Variants in SLCO1A2 observed in about 807,000 individuals in gnomAD.
SLCO1A2 encodes OATP-1.
In SLCO1A2, 67 loss-of-function variants were observed where a neutral mutation model predicts 69.0. That is an observed-to-expected ratio of 0.97 (90% CI 0.80 to 1.19). The LOEUF (loss-of-function observed/expected upper bound fraction) is 1.19, where lower values mean the gene tolerates loss of function less well. Ranked by LOEUF, SLCO1A2 falls within the 50% of genes most tolerant of loss-of-function variation. The probability of loss-of-function intolerance (pLI) is 0.00; values close to 1 mark genes in which losing one functional copy is unlikely to be tolerated. For missense variants in SLCO1A2, 787 were observed against 793.7 expected (o/e 0.99, Z 0.10); for synonymous variants, 260 against 265.9 (o/e 0.98, Z 0.22).
chr12:21,344,715 A>G (rs1337654300), intron 2 of SLCO1A2, among the ~76,000 whole-genome samples: 1 of 152,068 alleles, frequency 6.6e-6, no homozygotes, highest in East Asian at 1.9e-4. Flanking sequence ...AAACATATGA[A>G]TTAAAGTCCT....
At chr12:21,388,568 A>G (rs559211694) in intron 1 of SLCO1A2, among the ~76,000 whole-genome samples, 1 of 152,284 alleles carries the variant, frequency 6.6e-6, no homozygotes, top group East Asian at 1.9e-4. Flanking sequence ...GCCATGTGGA[A>G]CTATGAGTCC....
chr12:21,282,783 T>C (rs189571917), intron 12 of SLCO1A2, among the ~76,000 whole-genome samples: 1 of 152,098 alleles, frequency 6.6e-6, no homozygotes, highest in Non-Finnish European at 1.5e-5. Flanking sequence ...GTAGTGTTTG[T>C]ATATGCCAAC....
At chr12:21,370,961 T>C (rs1436552322) in intron 2 of SLCO1A2, among the ~76,000 whole-genome samples, 3 of 152,228 alleles carry the variant, frequency 2.0e-5, no homozygotes, top group African/African-American at 4.8e-5. Flanking sequence ...AACAGCTTTA[T>C]TGAAGAGGCG....
upstream of SLCO1A2, among the ~76,000 whole-genome samples, chr12:21,337,730 A>G (rs891923369): frequency 1.3e-5 from 2 of 151,998 alleles, no homozygotes; most frequent in African/African-American, 4.8e-5. Flanking sequence ...TATTTTGTCT[A>G]CCAAATTATT....
chr12:21,318,928 G>A lies in SLCO1A2; in HGVS notation c.61-5C>T. 2 of 1,569,406 alleles carry A rather than the reference G, an allele frequency of 1.3e-6. No homozygotes were observed. The highest frequency in any genetic ancestry group is 4.2e-5 in the Admixed American group (2 of 47,304). On this transcript the variant is annotated splice_polypyrimidine_tract_variant and splice_region_variant and intron_variant, in intron 2 of 14. Coordinates refer to ENST00000683939, the MANE Select transcript of SLCO1A2 (RefSeq NM_001386879.1). ...TGTTATTGCCAACAGAAACATCTAG[G>A]AAAAAAATATAAGAAAACGTAGAAA...
intron 1 of SLCO1A2, among the ~76,000 whole-genome samples, chr12:21,385,134 T>G (rs1468611472): frequency 2.6e-5 from 4 of 152,162 alleles, no homozygotes; most frequent in Non-Finnish European, 4.4e-5. Context: ...AATATATAAA[T>G]ATGAAACCTC....
At chr12:21,419,051 G>C (rs1174453799), upstream of SLCO1A2, 4 of 152,012 alleles carry the variant, frequency 2.6e-5, no homozygotes, top group Non-Finnish European at 4.4e-5. Flanking sequence ...AATAATTCAG[G>C]ATATTACATA....
rs1014865351 is a variant in SLCO1A2, at chr12:21,334,702, C to T, written c.-55G>A. 7.0e-6 allele frequency: 10 copies of T among 1,419,092 alleles called. No individual in the cohort carries two copies. Among genetic ancestry groups the T allele is most frequent in the Non-Finnish European group, 9.7e-6 (10 of 1,032,524 alleles). The allele number at this position is 1,419,092 out of a possible 1,614,324, so 87.9% of individuals were successfully genotyped here. A position where few individuals can be genotyped will look rare whatever the true frequency, so the allele number is the denominator to read the frequency against. On this transcript the variant is annotated 5_prime_UTR_variant, in exon 2 of 15. Coordinates refer to ENST00000683939, the MANE Select transcript of SLCO1A2 (RefSeq NM_001386879.1). ...ATGTTTTAAATCTTGATATGTCTTA[C>T]TTCTACCCTTTCAAGCAAACAAAAA...
intron 2 of SLCO1A2, among the ~76,000 whole-genome samples, chr12:21,352,648 C>T (rs1295907803): frequency 2.0e-5 from 3 of 152,196 alleles, no homozygotes; most frequent in Non-Finnish European, 4.4e-5. Flanking sequence ...GCCTCTGAAA[C>T]TCAAAATATT....
At chr12:21,276,750 G>C (rs1174689220) in intron 12 of SLCO1A2, among the ~76,000 whole-genome samples, 2 of 152,152 alleles carry the variant, frequency 1.3e-5, no homozygotes, top group Admixed American at 1.3e-4. Context: ...GGAGAATGCA[G>C]TGATTCTGAG....
intron 2 of SLCO1A2, among the ~76,000 whole-genome samples, chr12:21,351,239 G>A (rs1937926240): frequency 6.6e-6 from 1 of 152,142 alleles, no homozygotes; most frequent in Non-Finnish European, 1.5e-5. Context: ...AACCTGAGAG[G>A]TACAAGCATG....
At chr12:21,328,316 CTT>C (rs1245947358) in intron 2 of SLCO1A2, among the ~76,000 whole-genome samples, 1 of 151,944 alleles carries the variant, frequency 6.6e-6, no homozygotes, top group Non-Finnish European at 1.5e-5. Context: ...AGGACTCAGT[CTT>C]TTTTTTAAAT....
At chr12:21,340,124 A>T (rs1953019592) in intron 2 of SLCO1A2, among the ~76,000 whole-genome samples, 1 of 151,990 alleles carries the variant, frequency 6.6e-6, no homozygotes, top group African/African-American at 2.4e-5. Flanking sequence ...TCAGCTCCCC[A>T]CTTTACATAT....
Position 21,314,545 on chromosome 12 carries a change from T to A in SLCO1A2, c.335+4A>T. The A allele has an allele frequency of 6.2e-7, 1 of 1,613,748 alleles. No homozygotes were observed. Among genetic ancestry groups the A allele is most frequent in the Non-Finnish European group, 8.5e-7 (1 of 1,179,908 alleles). Reference sequence around the variant, plus strand: ...ACCCAAAATTATCAGACTGGAGTACTTACTGGTTCATGAGGAAATGAGGTA... The same window carrying A: ...ACCCAAAATTATCAGACTGGAGTACATACTGGTTCATGAGGAAATGAGGTA... On this transcript the variant is annotated splice_donor_region_variant and intron_variant, in intron 4 of 14. Transcript: ENST00000683939.
At chr12:21,374,312 T>A (rs889583292) in intron 2 of SLCO1A2, 1 of 152,270 alleles carries the variant, frequency 6.6e-6, no homozygotes, top group African/African-American at 2.4e-5. Flanking sequence ...TAGTGAGGAT[T>A]TGTTTGTGCC....
rs200996235 is a variant in SLCO1A2, at chr12:21,378,254, G to A, written c.-189-3729C>T. 26 of 1,614,012 alleles carry A rather than the reference G, an allele frequency of 1.6e-5. No homozygotes were observed. Among genetic ancestry groups the A allele is most frequent in the South Asian group, 2.2e-5 (2 of 91,076 alleles). On this transcript the variant is annotated intron_variant, in intron 1 of 15. Transcript: ENST00000307378. ...GTTACCAGTCATCAGGTGGAAAAGCGGAAATGCAACACTGCCACATGTGCA... is the reference window on the plus strand; with the variant it reads ...GTTACCAGTCATCAGGTGGAAAAGCAGAAATGCAACACTGCCACATGTGCA...
intron 2 of SLCO1A2, chr12:21,373,191 T>C (rs932224866): frequency 1.5e-6 from 1 of 648,404 alleles, no homozygotes; most frequent in African/African-American, 1.8e-5. Context: ...TGGACAATAT[T>C]AAGGGACTGT....
At chr12:21,300,262 G>C in intron 8 of SLCO1A2, 86 bp downstream of exon 8, 1 of 943,656 alleles carries the variant, frequency 1.1e-6, no homozygotes, top group Non-Finnish European at 1.6e-6. Flanking sequence ...ACACAGCATA[G>C]CATATCATAG....
At chr12:21,271,895 T>C (rs1001787635) in intron 14 of SLCO1A2, among the ~76,000 whole-genome samples, 1 of 149,962 alleles carries the variant, frequency 6.7e-6, no homozygotes, top group East Asian at 1.9e-4. Context: ...TATATATATT[T>C]ATACATTTAA....
Sources: gnomAD v4.1 joint callset for allele counts (sites outside exome capture counted in the v4.1 genomes callset) on GRCh38, gnomAD v4.1.1 for gene constraint, MANE v1.5 for transcripts, NCBI Gene and HGNC (gene_info 2026-07-23, HGNC 2026-07-21) for gene names.